The following CYP26A1 variants were observed in gnomAD, a reference collection of about 807,000 sequenced individuals.
The protein encoded by CYP26A1 is cytochrome P450 26A1.
CYP26A1 carries 46 observed loss-of-function variants against 47.4 expected under a neutral mutation model. That is an observed-to-expected ratio of 0.97 (90% CI 0.77 to 1.24). CYP26A1 has a LOEUF of 1.24. CYP26A1 is among the 50% of genes most tolerant of loss of function. The pLI is 0.00. For synonymous variants in CYP26A1, 277 were observed against 263.7 expected (o/e 1.05, Z -0.49); for missense variants, 680 against 644.4 (o/e 1.06, Z -0.60).
chr10:93,074,343 C>T lies in CYP26A1; in HGVS notation c.225C>T (p.Tyr75=), dbSNP rs1211322346. 4 of 1,609,396 alleles carry T rather than the reference C, an allele frequency of 2.5e-6. No homozygotes were observed. The highest frequency in any genetic ancestry group is 3.3e-5 in the Admixed American group (2 of 60,030). Reference sequence around the variant, plus strand: ...TCCTGCAGATGAAGCGCAGGAAATACGGCTTCATCTACAAGACGCATCTGT... The same window carrying T: ...TCCTGCAGATGAAGCGCAGGAAATATGGCTTCATCTACAAGACGCATCTGT... ...RKFLQMKRRK[Y]GFIYKTHLFG... The change falls in exon 2 of 7, where the codon TAC becomes TAT. Residue 75 remains tyrosine (Y), a synonymous_variant. Coordinates refer to ENST00000224356, the MANE Select transcript of CYP26A1 (RefSeq NM_000783.4). The surrounding 1 kb of genome is among the most constrained non-coding windows in gnomAD (Gnocchi z 5.3).
rs1346665652 is a variant in CYP26A1, at chr10:93,073,965, C to T, written c.31C>T (p.Leu11Phe). ...GCTCCCGGCGCTGCTGGCCAGTGCGCTCTGCACCTTCGTGCTGCCGCTGCT... is the reference window on the plus strand; with the variant it reads ...GCTCCCGGCGCTGCTGGCCAGTGCGTTCTGCACCTTCGTGCTGCCGCTGCT... MGLPALLASALCTFVLPLLLF... is the reference protein window; with the variant it reads MGLPALLASAFCTFVLPLLLF... The change falls in exon 1 of 7, where the codon CTC (leucine) becomes TTC (phenylalanine). Residue 11 changes from leucine (L) to phenylalanine (F), a missense_variant. Leu to Phe is a conservative substitution (Grantham distance 22). Transcript: ENST00000224356. The T allele has an allele frequency of 7.8e-7, 1 of 1,289,436 alleles. No individual in the cohort carries two copies. The highest frequency in any genetic ancestry group is 1.5e-5 in the African/African-American group (1 of 68,808). 79.9% of individuals were successfully genotyped at this position (1,289,436 alleles called of 1,614,324 possible). A position where few individuals can be genotyped will look rare whatever the true frequency, so the allele number is the denominator to read the frequency against.
Position 93,075,041 on chromosome 10 carries a change from T to C in CYP26A1, c.677T>C (p.Ile226Thr). The stretch of plus-strand genomic sequence containing the variant: ...ACCCGCAATCTCTTCTCGCTGCCCA[T>C]CGACGTGCCCTTCAGCGGGCTGTAC... ...EMTRNLFSLP[I>T]DVPFSGLYRG... Residue 226 changes from isoleucine (I) to threonine (T), a missense_variant, in exon 3 of 7, where the codon ATC becomes ACC. Coordinates refer to ENST00000224356, the MANE Select transcript of CYP26A1 (RefSeq NM_000783.4). The C allele has an allele frequency of 6.2e-7, 1 of 1,613,022 alleles. No homozygotes were observed. The highest frequency in any genetic ancestry group is 8.5e-7 in the Non-Finnish European group (1 of 1,179,970).
chr10:93,077,094 C>T lies in CYP26A1; in HGVS notation c.1284C>T (p.Ser428=), dbSNP rs1405630835. ...RFMLPHPEDA[S]RFSFIPFGGG... The stretch of plus-strand genomic sequence containing the variant: ...TGCTGCCTCACCCAGAGGATGCATC[C>T]AGGTTCAGCTTCATTCCATTTGGAG... The change falls in exon 7 of 7, where the codon TCC becomes TCT. Residue 428 remains serine, a synonymous_variant. Transcript: ENST00000224356. The T allele has an allele frequency of 1.2e-6, 2 of 1,614,108 alleles. No individual in the cohort carries two copies. The highest frequency in any genetic ancestry group is 1.7e-6 in the Non-Finnish European group (2 of 1,179,938).
rs1272636798 is a variant in CYP26A1 at position 93,074,050 on chromosome 10, G to A, written c.116G>A (p.Ser39Asn). The change falls in exon 1 of 7, where the codon AGT becomes AAT. Residue 39 changes from serine to asparagine, a missense_variant. Transcript: ENST00000224356. This position sits in a 1 kb window ranked among gnomAD's most constrained non-coding sequence, Gnocchi z 5.3. ...TACTGCGTGAGCGGCCGCGACCGCA[G>A]TTGTGCCCTCCCATTGCCCCCCGGG... ...DLYCVSGRDR[S>N]CALPLPPGTM... is the part of the protein sequence containing the mutation. The A allele has an allele frequency of 5.0e-6, 8 of 1,600,742 alleles. No individual in the cohort carries two copies. The highest frequency in any genetic ancestry group is 6.8e-6 in the Non-Finnish European group (8 of 1,172,436).
chr10:93,076,195 T>G (rs1421694887), intron 5 of CYP26A1: 1 of 544,410 alleles, frequency 1.8e-6, no homozygotes, highest in Admixed American at 3.1e-5. Context: ...CTCCACCTTT[T>G]GCTGAACCGT....
rs1158471574 is a variant in CYP26A1, at chr10:93,074,983, G to C, written c.619G>C (p.Glu207Gln). ...CCAACTGGCGGGCGACGGGGACTCC[G>C]AGCAGCAGCTTGTGGAGGCCTTCGA... ...EPQLAGDGDS[E>Q]QQLVEAFEEM... Residue 207 changes from glutamate (E) to glutamine (Q), a missense_variant, in exon 3 of 7, where the codon GAG becomes CAG. Physicochemically the swap from Glu to Gln is conservative, Grantham distance 29 (BLOSUM62 2). Coordinates refer to ENST00000224356, the MANE Select transcript of CYP26A1 (RefSeq NM_000783.4). This position sits in a 1 kb window ranked among gnomAD's most constrained non-coding sequence, Gnocchi z 5.3. The C allele has an allele frequency of 6.2e-7, 1 of 1,613,132 alleles. No homozygotes were observed. The highest frequency in any genetic ancestry group is 1.1e-5 in the South Asian group (1 of 91,086).
At position 93,077,827 on chromosome 10, in the gene CYP26A1, T is replaced by A. The variant is rs1846996827; in HGVS notation, c.*523T>A. ...AAAAGGTAACACTGAGAACTGTCAC[T>A]CTAACCTCTCCAGCTTATCTAACAT... is the stretch of plus-strand genomic sequence containing the variant. On this transcript the variant is annotated 3_prime_UTR_variant, in exon 7 of 7. Coordinates refer to ENST00000224356, the MANE Select transcript of CYP26A1 (RefSeq NM_000783.4). 2 of 152,230 alleles carry A rather than the reference T, an allele frequency of 1.3e-5. No homozygotes were observed. Among genetic ancestry groups the A allele is most frequent in the African/African-American group, 4.8e-5 (2 of 41,452 alleles). 9.4% of individuals were successfully genotyped at this position (152,230 alleles called of 1,614,324 possible).
Position 93,074,143 on chromosome 10 carries a change from G to GGGGGGGGGCA in CYP26A1, c.189+20_189+21insGGGGGGGGCA. On this transcript the variant is annotated intron_variant, in intron 1 of 6. Transcript: ENST00000224356. This position sits in a 1 kb window ranked among gnomAD's most constrained non-coding sequence, Gnocchi z 5.3. Reference sequence around the variant, plus strand: ...CTGCAGGTAAGGGAGGGTGGGGCGGGACAGGCTGCTTCCCCGGAGCCCGGC... The same window carrying GGGGGGGGGCA: ...CTGCAGGTAAGGGAGGGTGGGGCGGGGGGGGGGGCAACAGGCTGCTTCCCCGGAGCCCGGC... The GGGGGGGGGCA allele has an allele frequency of 2.1e-6, 1 of 483,716 alleles. No homozygotes were observed. Among genetic ancestry groups the GGGGGGGGGCA allele is most frequent in the Non-Finnish European group, 4.1e-6 (1 of 246,518 alleles). The allele number at this position is 483,716 out of a possible 1,614,324, so 30.0% of individuals were successfully genotyped here. A position where few individuals can be genotyped will look rare whatever the true frequency, so the allele number is the denominator to read the frequency against.
upstream of CYP26A1, chr10:93,073,866 A>T: frequency 3.1e-6 from 2 of 643,536 alleles, no homozygotes; most frequent in Middle Eastern, 4.1e-4. Flanking sequence ...GCCGCCTATA[A>T]AGCGGCAGCG....
At position 93,073,926 on chromosome 10, in the gene CYP26A1, C is replaced by A. The variant is rs1193231796; in HGVS notation, c.-9C>A. Reference sequence around the variant, plus strand: ...CGGCGGCAGGTGGCGCGGGAGGTCGCGGCGCGCCATGGGGCTCCCGGCGCT... The same window carrying A: ...CGGCGGCAGGTGGCGCGGGAGGTCGAGGCGCGCCATGGGGCTCCCGGCGCT... On this transcript the variant is annotated 5_prime_UTR_variant, in exon 1 of 7. Coordinates refer to ENST00000224356, the MANE Select transcript of CYP26A1 (RefSeq NM_000783.4). 1 of 906,656 alleles carries A rather than the reference C, an allele frequency of 1.1e-6. No homozygotes were observed. The highest frequency in any genetic ancestry group is 1.8e-6 in the Non-Finnish European group (1 of 559,982). The allele number at this position is 906,656 out of a possible 1,614,324, so 56.2% of individuals were successfully genotyped here. A position where few individuals can be genotyped will look rare whatever the true frequency, so the allele number is the denominator to read the frequency against.
In CYP26A1 at chr10:93,075,414, T is replaced by C. The variant is rs545486760; in HGVS notation, c.864+107T>C. 4.8e-6 allele frequency: 5 copies of C among 1,043,720 alleles called. No individual in the cohort carries two copies. In the East Asian group the frequency reaches 1.3e-4, roughly 27 times the overall value. 64.7% of individuals were successfully genotyped at this position (1,043,720 alleles called of 1,614,324 possible). A position where few individuals can be genotyped will look rare whatever the true frequency, so the allele number is the denominator to read the frequency against. ...GCGCCTGGGGCCCAGCTTTCTGGAGTGGGCGGCCGGCTCAGACTACAGCTA... is the reference window on the plus strand; with the variant it reads ...GCGCCTGGGGCCCAGCTTTCTGGAGCGGGCGGCCGGCTCAGACTACAGCTA... On this transcript the variant is annotated intron_variant, in intron 4 of 6. Transcript: ENST00000224356.
In CYP26A1 at chr10:93,074,352, C is replaced by T; in HGVS notation, c.234C>T (p.Ile78=). ...LQMKRRKYGF[I]YKTHLFGRPT... is the part of the protein sequence containing the mutation. ...TGAAGCGCAGGAAATACGGCTTCAT[C>T]TACAAGACGCATCTGTTCGGGCGGC... The change falls in exon 2 of 7, where the codon ATC becomes ATT. Residue 78 remains isoleucine (I), a synonymous_variant. Transcript: ENST00000224356. This position sits in a 1 kb window ranked among gnomAD's most constrained non-coding sequence, Gnocchi z 5.3. 1.2e-6 allele frequency: 2 copies of T among 1,611,782 alleles called. No homozygotes were observed. Among genetic ancestry groups the T allele is most frequent in the Non-Finnish European group, 1.7e-6 (2 of 1,178,582 alleles).
Position 93,074,871 on chromosome 10 carries a change from C to A in CYP26A1, c.507C>A (p.Ser169Arg), listed in dbSNP as rs1846950261. 1 of 1,612,866 alleles carries A rather than the reference C, an allele frequency of 6.2e-7. No homozygotes were observed. The highest frequency in any genetic ancestry group is 1.3e-5 in the African/African-American group (1 of 75,060). Residue 169 changes from serine (S) to arginine (R), a missense_variant, in exon 3 of 7, where the codon AGC becomes AGA. Physicochemically the swap from Ser to Arg is moderately radical, Grantham distance 110 (BLOSUM62 -1). Transcript: ENST00000224356. This position sits in a 1 kb window ranked among gnomAD's most constrained non-coding sequence, Gnocchi z 5.3. ...EVGSSLEQWL[S>R]CGERGLLVYP... The stretch of plus-strand genomic sequence containing the variant: ...GCAGCAGCCTGGAGCAGTGGCTGAG[C>A]TGCGGCGAGCGCGGCCTCCTGGTCT...
In CYP26A1 at chr10:93,075,933, G is replaced by A. The variant is rs777309274; in HGVS notation, c.972G>A (p.Gln324=). The A allele has an allele frequency of 3.7e-6, 6 of 1,613,194 alleles. No individual in the cohort carries two copies. In the Admixed American group the frequency reaches 8.3e-5, roughly 22 times the overall value. ...TGGGGCTCTACCCACATGTTCTCCA[G>A]AAAGTGCGAGAAGAGCTGAAGAGTA... The part of the protein sequence containing the change: ...TYLGLYPHVL[Q]KVREELKSKG... The change falls in exon 5 of 7, where the codon CAG becomes CAA. Residue 324 remains glutamine (Q), a synonymous_variant. Transcript: ENST00000224356.
chr10:93,076,482 T>G (rs1001248055), intron 5 of CYP26A1, 62 bp from the exon 6 acceptor site: 11 of 1,209,812 alleles, frequency 9.1e-6, no homozygotes, highest in Non-Finnish European at 1.3e-5. Context: ...TGTTTACGTC[T>G]GCTGGGCTGA....
rs200904706 is a variant in CYP26A1 at position 93,076,993 on chromosome 10, A to G, written c.1183A>G (p.Ile395Val). Residue 395 changes from isoleucine (I) to valine (V), a missense_variant, in exon 7 of 7, where the codon ATC (isoleucine) becomes GTC (valine). Transcript: ENST00000224356. ...CCAGATTCCCAAGGGCTGGAATGTT[A>G]TCTACAGTATCTGTGATACTCATGA... is the stretch of plus-strand genomic sequence containing the variant. ...GYQIPKGWNV[I>V]YSICDTHDVA... is the part of the protein sequence containing the mutation. 10 of 1,610,166 alleles carry G rather than the reference A, an allele frequency of 6.2e-6. No homozygotes were observed. The African/African-American group carries it at 1.3e-4, about 21-fold the overall frequency.
At position 93,074,796 on chromosome 10, in the gene CYP26A1, C is replaced by T. The variant is rs60549655; in HGVS notation, c.432C>T (p.Phe144=). The change falls in exon 3 of 7, where the codon TTC becomes TTT. Residue 144 remains phenylalanine (F), a synonymous_variant. Transcript: ENST00000224356. The surrounding 1 kb of genome is among the most constrained non-coding windows in gnomAD (Gnocchi z 5.3). Reference sequence around the variant, plus strand: ...GGACTCAGGTGATTATGCGGGCCTTCAGCCGCGAGGCACTCGAATGCTACG... The same window carrying T: ...GGACTCAGGTGATTATGCGGGCCTTTAGCCGCGAGGCACTCGAATGCTACG... ...KQRKKVIMRA[F]SREALECYVP... 2,795 of 1,605,678 alleles carry T rather than the reference C, an allele frequency of 1.7e-3. 5 individuals are homozygous for T. The highest frequency in any genetic ancestry group is 7.3e-3 in the Middle Eastern group (44 of 6,056).
chr10:93,075,027 C>A lies in CYP26A1; in HGVS notation c.663C>A (p.Leu221=). The A allele has an allele frequency of 1.2e-6, 2 of 1,613,080 alleles. No homozygotes were observed. The highest frequency in any genetic ancestry group is 2.2e-5 in the South Asian group (2 of 91,080). The change falls in exon 3 of 7, where the codon CTC becomes CTA. Residue 221 remains leucine (L), a synonymous_variant. Coordinates refer to ENST00000224356, the MANE Select transcript of CYP26A1 (RefSeq NM_000783.4). ...VEAFEEMTRN[L]FSLPIDVPFS... ...CCTTCGAGGAAATGACCCGCAATCT[C>A]TTCTCGCTGCCCATCGACGTGCCCT...
rs1156270789 is a variant in CYP26A1, at chr10:93,075,240, G to A, written c.797G>A (p.Gly266Asp). ...CTGCGGGCATCCGAGGCGGGCCAGG[G>A]CTGCAAAGACGCGCTGCAGCTGTTG... ...CGLRASEAGQ[G>D]CKDALQLLIE... Residue 266 changes from glycine to aspartate, a missense_variant, in exon 4 of 7, where the codon GGC becomes GAC. Coordinates refer to ENST00000224356, the MANE Select transcript of CYP26A1 (RefSeq NM_000783.4). 3.1e-6 allele frequency: 5 copies of A among 1,614,078 alleles called. No individual in the cohort carries two copies. Among genetic ancestry groups the A allele is most frequent in the South Asian group, 1.1e-5 (1 of 91,084 alleles).
Sources: gnomAD v4.1 joint callset for allele counts on GRCh38, gnomAD v4.1.1 for gene constraint, Gnocchi (gnomAD v3.1) non-coding constraint, MANE v1.5 for transcripts, NCBI Gene and HGNC (gene_info 2026-07-23, HGNC 2026-07-21) for gene names.